The following DIS3L2 variants were observed in gnomAD, a reference collection of about 807,000 sequenced individuals.
DIS3L2 encodes DIS3 like 3'-5' exoribonuclease 2, also known as DIS3-like exonuclease 2.
A neutral mutation model predicts 97.5 loss-of-function variants in DIS3L2; 34 were observed. That is an observed-to-expected ratio of 0.35 (90% CI 0.27 to 0.46). DIS3L2 has a LOEUF of 0.46. Ranked by LOEUF, DIS3L2 falls within the 20% of genes least tolerant of loss-of-function variation. DIS3L2 has a pLI of 1.00. For missense variants in DIS3L2, 1,038 were observed against 1,146.0 expected, an observed-to-expected ratio of 0.91 and a Z score of 1.36; for synonymous variants, 435 against 445.2, an observed-to-expected ratio of 0.98 and a Z score of 0.29.
At chr2:232,221,910 C>T (rs1263867917) in intron 10 of DIS3L2, among the ~76,000 whole-genome samples, 1 of 151,212 alleles carries the variant, frequency 6.6e-6, no homozygotes, top group African/African-American at 2.4e-5. Context: ...TGCTGTTACT[C>T]CTATGTTCCT....
intron 5 of DIS3L2, 53 bp from the exon 6 acceptor site, chr2:232,087,431 CTCT>C: frequency 7.6e-7 from 1 of 1,318,206 alleles, no homozygotes. Flanking sequence ...GAAAAATCTG[CTCT>C]TTTTTTTTTT....
chr2:232,250,038 G>A (rs1211565368), intron 12 of DIS3L2, among the ~76,000 whole-genome samples: 1 of 152,142 alleles, frequency 6.6e-6, no homozygotes. Flanking sequence ...ATAGGGAACG[G>A]CAGGAGAGAG....
chr2:232,214,080 T>C (rs1033731277), intron 10 of DIS3L2, among the ~76,000 whole-genome samples: 4 of 152,124 alleles, frequency 2.6e-5, no homozygotes, highest in African/African-American at 9.7e-5. Context: ...TTCAAGAAAA[T>C]ATTTAGTAAT....
chr2:231,972,795 C>T (rs1482836568), intron 1 of DIS3L2, among the ~76,000 whole-genome samples: 3 of 152,184 alleles, frequency 2.0e-5, no homozygotes, highest in Admixed American at 6.5e-5. Flanking sequence ...CTGCCCACCT[C>T]GGCCTCTCAA....
intron 6 of DIS3L2, 66 bp downstream of exon 6, chr2:232,087,787 C>T (rs1447907363): frequency 1.6e-6 from 2 of 1,276,024 alleles, no homozygotes; most frequent in African/African-American, 1.5e-5. Flanking sequence ...AATTCCCTCT[C>T]TGCTGCAGAG....
chr2:232,120,008 T>C (rs1421898978), intron 6 of DIS3L2, among the ~76,000 whole-genome samples: 4 of 152,080 alleles, frequency 2.6e-5, no homozygotes, highest in Non-Finnish European at 5.9e-5. Flanking sequence ...TGTTAAGGCT[T>C]TTTTTCCCCC....
intron 1 of DIS3L2, among the ~76,000 whole-genome samples, chr2:232,004,307 C>T (rs141975174): frequency 2.2e-4 from 34 of 152,132 alleles, no homozygotes; most frequent in African/African-American, 6.0e-4. Context: ...TCCTGACTTC[C>T]GGTCATCGAC....
chr2:232,059,754 C>G (rs1445289710), intron 5 of DIS3L2, among the ~76,000 whole-genome samples: 1 of 152,088 alleles, frequency 6.6e-6, no homozygotes, highest in Non-Finnish European at 1.5e-5. Flanking sequence ...TGTTCCTGAG[C>G]TAATTTACTT....
chr2:232,095,215 T>C (rs1696970940), intron 6 of DIS3L2, among the ~76,000 whole-genome samples: 1 of 152,198 alleles, frequency 6.6e-6, no homozygotes, highest in Non-Finnish European at 1.5e-5. Context: ...TTTGGTTGTT[T>C]TGTGGTCTTC....
chr2:232,282,556 G>A (rs1311057133), intron 13 of DIS3L2, among the ~76,000 whole-genome samples: 1 of 152,134 alleles, frequency 6.6e-6, no homozygotes, highest in African/African-American at 2.4e-5. Flanking sequence ...GTGATTTTGG[G>A]GGAGATGTTT....
At chr2:231,967,964 T>C (rs1335767075) in intron 1 of DIS3L2, among the ~76,000 whole-genome samples, 1 of 152,190 alleles carries the variant, frequency 6.6e-6, no homozygotes, top group Non-Finnish European at 1.5e-5. Flanking sequence ...AACTCTAAAG[T>C]GTACAGTTTG....
At chr2:232,327,184 G>A (rs900989779) in intron 14 of DIS3L2, among the ~76,000 whole-genome samples, 1 of 152,214 alleles carries the variant, frequency 6.6e-6, no homozygotes, top group African/African-American at 2.4e-5. Context: ...GAGTAACCAG[G>A]GGCCACCTCA....
At chr2:232,317,888 A>G (rs1695320765) in intron 14 of DIS3L2, among the ~76,000 whole-genome samples, 1 of 152,236 alleles carries the variant, frequency 6.6e-6, no homozygotes, top group South Asian at 2.1e-4. Context: ...ATAAGATAAC[A>G]AAGTTTATCT....
chr2:232,270,900 C>CG (rs1165063974), intron 13 of DIS3L2, among the ~76,000 whole-genome samples: 2 of 144,320 alleles, frequency 1.4e-5, no homozygotes, highest in African/African-American at 5.6e-5. Flanking sequence ...CTCTCTCTCT[C>CG]TCTCTCTCTC....
At chr2:232,333,767 G>GTAGATCCC in intron 16 of DIS3L2, 73 bp from the exon 17 acceptor site, 1 of 1,440,746 alleles carries the variant, frequency 6.9e-7, no homozygotes. Context: ...GTGAGGCTGT[G>GTAGATCCC]GGTGGTGCCA....
At chr2:232,139,944 G>A (rs1455269857) in intron 8 of DIS3L2, among the ~76,000 whole-genome samples, 9 of 152,180 alleles carry the variant, frequency 5.9e-5, no homozygotes, top group African/African-American at 2.2e-4. Flanking sequence ...TAGGGCATGA[G>A]GGAGAAGGAT....
At chr2:232,099,924 T>A (rs912958687) in intron 6 of DIS3L2, among the ~76,000 whole-genome samples, 1 of 152,220 alleles carries the variant, frequency 6.6e-6, no homozygotes, top group African/African-American at 2.4e-5. Flanking sequence ...TTCCTTTTCA[T>A]TCTATATTTT....
Position 232,045,014 on chromosome 2 carries a change from G to A in DIS3L2, c.366+14934G>A, listed in dbSNP as rs73995071. On this transcript the variant is annotated intron_variant, in intron 5 of 20. Transcript: ENST00000325385. ...CCTGGGAACTCAGGTTGAGAAAATCGGTCTAGTGGAGCAATAATAGAGTGG... is the reference window on the plus strand; with the variant it reads ...CCTGGGAACTCAGGTTGAGAAAATCAGTCTAGTGGAGCAATAATAGAGTGG... 6.7e-3 allele frequency among the ~76,000 whole-genome samples: 1,023 copies of A among 152,230 alleles called. 17 individuals are homozygous for A. The highest frequency in any genetic ancestry group is 0.023 in the African/African-American group (961 of 41,522).
At chr2:232,211,318 G>A (rs1391306847) in intron 10 of DIS3L2, among the ~76,000 whole-genome samples, 2 of 152,142 alleles carry the variant, frequency 1.3e-5, no homozygotes, top group African/African-American at 4.8e-5. Context: ...CTAATATTTT[G>A]TATTTGTGGT....
Sources: allele counts gnomAD v4.1 joint callset (sites outside exome capture counted in the v4.1 genomes callset), GRCh38; gene constraint gnomAD v4.1.1; transcripts MANE v1.5; gene names NCBI Gene and HGNC (gene_info 2026-07-23, HGNC 2026-07-21).